The following HYDIN variants were observed in gnomAD, a reference collection of about 807,000 sequenced individuals.
The protein encoded by HYDIN is HYDIN axonemal central pair apparatus protein.
In HYDIN, 132 loss-of-function variants were observed where a neutral mutation model predicts 403.9. The observed-to-expected ratio is 0.33, with a 90% CI of 0.28 to 0.38. The LOEUF (loss-of-function observed/expected upper bound fraction) is 0.38. Among genes scored for constraint, HYDIN ranks in the 10% least tolerant of loss-of-function variants. HYDIN has a pLI of 1.00. For missense variants in HYDIN, 2,827 were observed against 5,009.5 expected, an observed-to-expected ratio of 0.56 and a Z score of 13.15; for synonymous variants, 1,202 against 1,891.7, an observed-to-expected ratio of 0.64 and a Z score of 9.46.
intron 9 of HYDIN, 57 bp from the exon 10 acceptor site, chr16:71,115,852 G>C (rs1404794705): frequency 4.2e-5 from 34 of 801,562 alleles, no homozygotes; most frequent in Non-Finnish European, 6.5e-5. Flanking sequence ...GACACTGCTT[G>C]TAAGTGTTAT....
At chr16:70,998,457 GA>G in intron 23 of HYDIN, among the ~76,000 whole-genome samples, 1 of 147,400 alleles carries the variant, frequency 6.8e-6, no homozygotes, top group Non-Finnish European at 1.5e-5. Context: ...TCATTGCTGA[GA>G]TTATTTTCTC....
intron 7 of HYDIN, among the ~76,000 whole-genome samples, chr16:71,150,160 T>C (rs1042098407): frequency 6.6e-5 from 10 of 151,552 alleles, no homozygotes; most frequent in Non-Finnish European, 1.2e-4. Flanking sequence ...ATACAAAATA[T>C]AAAAAAACCA....
intron 67 of HYDIN, chr16:70,865,007 T>A (rs1191163681): frequency 1.6e-5 from 3 of 183,382 alleles, no homozygotes; most frequent in African/African-American, 7.2e-5. Context: ...TCTTGACATT[T>A]ATCTTTTGGT....
intron 10 of HYDIN, among the ~76,000 whole-genome samples, chr16:71,102,369 A>C (rs2083482956): frequency 6.6e-6 from 1 of 152,046 alleles, no homozygotes; most frequent in South Asian, 2.1e-4. Flanking sequence ...AAAACACAAA[A>C]CTTGCTGAAA....
chr16:70,920,825 C>A lies in HYDIN; in HGVS notation c.7551G>T (p.Glu2517Asp). 6.4e-7 allele frequency: 1 copy of A among 1,572,232 alleles called. No homozygotes were observed. The highest frequency in any genetic ancestry group is 8.6e-7 in the Non-Finnish European group (1 of 1,157,842). The change falls in exon 46 of 86, where the codon GAG (glutamate) becomes GAT (aspartate). Residue 2517 changes from glutamate (E) to aspartate (D), a missense_variant. Glu to Asp is a conservative substitution (Grantham distance 45, BLOSUM62 2). Coordinates refer to ENST00000393567, the MANE Select transcript of HYDIN (RefSeq NM_001270974.2). ...GGCGCTCCTTCTCCGTGCGCTCCTT[C>A]TCCAGGCGCTCTCTCTCCCGGTCCT... ...GRKDRERERL[E>D]KERTEKERLE... is the part of the protein sequence containing the mutation.
chr16:71,064,745 T>C lies in HYDIN; in HGVS notation c.2171A>G (p.Asn724Ser), dbSNP rs1199857302. The part of the protein sequence containing the change: ...YPYEKTLQLA[N>S]QDDLPGFYEV... ...ATAGAATCCTGGGAGGTCATCTTGA[T>C]TGGCAAGCTGGAGTGTTTTCTCATA... The change falls in exon 16 of 86, where the codon AAT (asparagine) becomes AGT (serine). Residue 724 changes from asparagine (N) to serine (S), a missense_variant. Physicochemically the swap from Asn to Ser is conservative, Grantham distance 46. Coordinates refer to ENST00000393567, the MANE Select transcript of HYDIN (RefSeq NM_001270974.2). 2.5e-6 allele frequency: 4 copies of C among 1,614,080 alleles called. No individual in the cohort carries two copies. The highest frequency in any genetic ancestry group is 2.2e-5 in the South Asian group (2 of 91,072).
intron 1 of HYDIN, among the ~76,000 whole-genome samples, chr16:71,190,346 TA>T (rs11330665): frequency 0.34 from 49,616 of 147,810 alleles, 9,601 homozygotes; most frequent in African/African-American, 0.54. Flanking sequence ...AATTTGAGCA[TA>T]AAAAAAAAAA....
At chr16:71,107,141 A>T (rs1357545510) in intron 10 of HYDIN, among the ~76,000 whole-genome samples, 4 of 113,238 alleles carry the variant, frequency 3.5e-5, no homozygotes, top group Non-Finnish European at 6.8e-5. Flanking sequence ...AACATCACAC[A>T]CTGGGGCCTG....
At chr16:71,051,719 G>A (rs1424962791) in intron 18 of HYDIN, among the ~76,000 whole-genome samples, 3 of 151,726 alleles carry the variant, frequency 2.0e-5, no homozygotes, top group Non-Finnish European at 2.9e-5. Context: ...GAATAACAGC[G>A]TCTACTCTAA....
intron 12 of HYDIN, chr16:71,080,844 A>G (rs1462148476): frequency 6.7e-6 from 1 of 150,254 alleles, no homozygotes; most frequent in Non-Finnish European, 1.5e-5. Context: ...TGATTTTAAA[A>G]ATAGAGGAAA....
At chr16:70,931,748 C>A (rs1386206766) in intron 45 of HYDIN, among the ~76,000 whole-genome samples, 1 of 152,130 alleles carries the variant, frequency 6.6e-6, no homozygotes, top group East Asian at 1.9e-4. Context: ...GGTGTGGTGG[C>A]TCATGCCTGT....
chr16:70,938,544 C>T (rs1390917416), intron 44 of HYDIN, 70 bp downstream of exon 44: 41 of 978,752 alleles, frequency 4.2e-5, no homozygotes, highest in East Asian at 1.2e-4. Context: ...GCTCACACCC[C>T]GGTCCTGGTC....
intron 18 of HYDIN, among the ~76,000 whole-genome samples, chr16:71,036,997 C>T (rs927404521): frequency 4.3e-5 from 5 of 115,452 alleles, no homozygotes; most frequent in Non-Finnish European, 5.3e-5. Context: ...CACAATAGGG[C>T]GAAATAGCAG....
In HYDIN at chr16:71,196,839, G is replaced by C. The variant is rs112035441; in HGVS notation, c.-23-9921C>G. Among the ~76,000 whole-genome samples, 1,286 of 152,296 alleles carry C rather than the reference G, an allele frequency of 8.4e-3. 17 individuals carry two copies. The highest frequency in any genetic ancestry group is 0.029 in the African/African-American group (1,222 of 41,562). On this transcript the variant is annotated intron_variant, in intron 1 of 85. Coordinates refer to ENST00000393567, the MANE Select transcript of HYDIN (RefSeq NM_001270974.2). The stretch of plus-strand genomic sequence containing the variant: ...ACCAGTGCCATGAAAGTTTACAAAT[G>C]CCATGTCAATGTCAGGAAGTTACCC...
At chr16:70,960,661 C>G (rs968291473) in intron 38 of HYDIN, among the ~76,000 whole-genome samples, 8 of 152,194 alleles carry the variant, frequency 5.3e-5, no homozygotes, top group African/African-American at 1.9e-4. Context: ...GGACATCTTT[C>G]CATTTACTTA....
At chr16:70,893,083 G>A (rs1250599150) in intron 55 of HYDIN, among the ~76,000 whole-genome samples, 1 of 152,150 alleles carries the variant, frequency 6.6e-6, no homozygotes, top group African/African-American at 2.4e-5. Flanking sequence ...TGGGATGCCC[G>A]GAGTTGCTGT....
intron 3 of HYDIN, among the ~76,000 whole-genome samples, chr16:71,180,219 T>TA (rs1027624633): frequency 6.6e-6 from 1 of 151,500 alleles, no homozygotes; most frequent in African/African-American, 2.4e-5. Context: ...CCAAATTCAG[T>TA]AAAAAAATAA....
At chr16:70,820,063 G>A (rs1246376888) in intron 83 of HYDIN, among the ~76,000 whole-genome samples, 4 of 145,438 alleles carry the variant, frequency 2.8e-5, no homozygotes, top group African/African-American at 7.7e-5. Context: ...CTCGTGATCC[G>A]CCCGCCTCGG....
intron 23 of HYDIN, among the ~76,000 whole-genome samples, chr16:71,007,018 C>A (rs1184456832): frequency 6.8e-6 from 1 of 147,508 alleles, no homozygotes; most frequent in Non-Finnish European, 1.5e-5. Flanking sequence ...CTCCCTCCCT[C>A]CCTTCCTCTA....
Sources: allele counts gnomAD v4.1 joint callset (sites outside exome capture counted in the v4.1 genomes callset), GRCh38; gene constraint gnomAD v4.1.1; transcripts MANE v1.5; gene names NCBI Gene and HGNC (gene_info 2026-07-23, HGNC 2026-07-21).